The following HELZ2 variants were observed in gnomAD, a reference collection of about 807,000 sequenced individuals.
The protein encoded by HELZ2 is helicase with zinc finger 2.
A neutral mutation model predicts 208.8 loss-of-function variants in HELZ2; 143 were observed. The observed-to-expected ratio is 0.68, with a 90% confidence interval of 0.60 to 0.79. The LOEUF (loss-of-function observed/expected upper bound fraction) is 0.79, where lower values mean the gene tolerates loss of function less well. Ranked by LOEUF, HELZ2 falls within the 30% of genes least tolerant of loss-of-function variation. The pLI, the probability that HELZ2 is intolerant of heterozygous loss-of-function variation, is 0.00. For missense variants in HELZ2, 3,690 were observed against 3,794.5 expected, an observed-to-expected ratio of 0.97 and a Z score of 0.72; for synonymous variants, 1,705 against 1,693.7, an observed-to-expected ratio of 1.01 and a Z score of -0.16.
chr20:63,565,284 C>T (rs1292882682), exon 8 of HELZ2: 2 of 1,605,766 alleles, frequency 1.2e-6, no homozygotes, highest in Non-Finnish European at 1.7e-6. Context: ...GGCGCCTTGT[C>T]TCCCGAAAGG....
chr20:63,565,053 C>T lies in HELZ2; in HGVS notation c.3769G>A (p.Ala1257Thr), dbSNP rs756570097. 4.7e-5 allele frequency: 73 copies of T among 1,562,316 alleles called. No individual in the cohort carries two copies. Among genetic ancestry groups the T allele is most frequent in the South Asian group, 2.4e-4 (21 of 86,518 alleles). The change falls in exon 8 of 19, where the codon GCC becomes ACC. Residue 1257 changes from alanine (A) to threonine (T), a missense_variant. Transcript: ENST00000467148. ...AAGAGCCGGCTGTGCCGGGCCTCGG[C>T]GGTGAGCCTCTCAAGCCCCACACGC...
At position 63,560,712 on chromosome 20, in the gene HELZ2, G is replaced by A. The variant is rs765257817; in HGVS notation, c.7282-15C>T. On this transcript the variant is annotated splice_polypyrimidine_tract_variant and intron_variant, in intron 15 of 18. Transcript: ENST00000467148. ...ATGCCCTCATGCTGCAGGCAAGGAT[G>A]TGCGCTGGTCAGAGGCTGCCACGCG... The A allele has an allele frequency of 1.2e-6, 2 of 1,607,108 alleles. No homozygotes were observed. Among genetic ancestry groups the A allele is most frequent in the East Asian group, 2.2e-5 (1 of 44,784 alleles).
exon 10 of HELZ2, chr20:63,562,124 C>T: frequency 3.1e-6 from 5 of 1,612,592 alleles, no homozygotes; most frequent in Non-Finnish European, 4.2e-6. Flanking sequence ...CCCTGACCGC[C>T]ACGTTCTGGC....
chr20:63,560,367 C>T (rs756051505), intron 16 of HELZ2, 40 bp from the exon 18 acceptor site: 10 of 1,562,838 alleles, frequency 6.4e-6, no homozygotes, highest in African/African-American at 1.4e-5. Flanking sequence ...ACCCTGGTGT[C>T]TCTCCTGCCC....
At chr20:63,565,519 G>C (rs769162955) in exon 8 of HELZ2, 2 of 1,606,466 alleles carry the variant, frequency 1.2e-6, no homozygotes, top group South Asian at 2.2e-5. Flanking sequence ...GCAGGGACTC[G>C]GGCCTGGCGA....
At chr20:63,569,799 C>G (rs1192638205) in intron 3 of HELZ2, 134 bp from the exon 5 acceptor site, 1 of 1,018,618 alleles carries the variant, frequency 9.8e-7, no homozygotes, top group African/African-American at 1.6e-5. Flanking sequence ...CGCAAGCAGG[C>G]CACCCGGCCT....
chr20:63,568,513 G>A lies in HELZ2; in HGVS notation c.1575C>T (p.Leu525=), dbSNP rs772980460. Reference sequence around the variant, plus strand: ...CATCCCCAGGGCCCCAGCCCGCGATGAGCGCCACGGCCAGCTCCTGCTTGC... The same window carrying A: ...CATCCCCAGGGCCCCAGCCCGCGATAAGCGCCACGGCCAGCTCCTGCTTGC... Residue 525 remains leucine, a synonymous_variant, in exon 5 of 19, where the codon CTC becomes CTT. Coordinates refer to ENST00000467148, the Ensembl canonical transcript of HELZ2. The A allele has an allele frequency of 9.5e-6, 15 of 1,583,582 alleles. No homozygotes were observed. The South Asian group carries it at 1.0e-4, about 11-fold the overall frequency.
exon 6 of HELZ2, chr20:63,567,245 T>A (rs1227219493): frequency 6.2e-7 from 1 of 1,608,440 alleles, no homozygotes; most frequent in Non-Finnish European, 8.5e-7. Context: ...CTGGCCACAC[T>A]GAACAGCCGG....
rs376276481 is a variant in HELZ2, at chr20:63,564,308, C to T, written c.4514G>A (p.Cys1505Tyr). Residue 1505 changes from cysteine to tyrosine, a missense_variant, in exon 8 of 19, where the codon TGC becomes TAC. Physicochemically the swap from Cys to Tyr is radical, Grantham distance 194. Around this residue, in one of 3 missense-constraint regions of HELZ2, gnomAD observed 2,564 missense variants for 2,580.5 expected, o/e 0.99. Transcript: ENST00000467148. ...GTCCTCGTCCGGCTGCTCATAGAAG[C>T]AGTCGGACCGCAGGCGGTGCCGGCG... 7.1e-5 allele frequency: 114 copies of T among 1,602,568 alleles called. 2 individuals are homozygous for T. In the Middle Eastern group the frequency reaches 1.6e-3, roughly 23 times the overall value.
At chr20:63,568,518 C>T (rs1436005069) in exon 5 of HELZ2, 2 of 1,582,610 alleles carry the variant, frequency 1.3e-6, no homozygotes, top group African/African-American at 1.3e-5. Context: ...GCGATGAGCG[C>T]CACGGCCAGC....
exon 6 of HELZ2, chr20:63,567,185 G>C: frequency 1.2e-6 from 2 of 1,608,590 alleles, no homozygotes; most frequent in Non-Finnish European, 1.7e-6. Flanking sequence ...GTCTCCTGCT[G>C]GTAGCACAGG....
Position 63,561,778 on chromosome 20 carries a change from C to T in HELZ2, c.6692-33G>A, listed in dbSNP as rs199618912. On this transcript the variant is annotated intron_variant, in intron 11 of 18. Transcript: ENST00000467148. ...TAGTTGGGGGACGTGAGTCCTGCCC[C>T]GCGTGCCAGCTCCCCAAAGGCCCCC... The T allele has an allele frequency of 2.3e-5, 36 of 1,560,330 alleles. No homozygotes were observed. In the Admixed American group the frequency reaches 4.4e-4, roughly 19 times the overall value.
At chr20:63,570,899 C>G in intron 1 of HELZ2, 31 bp from the exon 3 acceptor site, 1 of 1,536,474 alleles carries the variant, frequency 6.5e-7, no homozygotes, top group Non-Finnish European at 8.8e-7. Context: ...CAGGGCTACA[C>G]AGAGGCACAG....
exon 8 of HELZ2, chr20:63,564,788 A>T: frequency 6.2e-7 from 1 of 1,611,742 alleles, no homozygotes; most frequent in Non-Finnish European, 8.5e-7. Flanking sequence ...CTGGGGGTCC[A>T]CAGTGAAGGT....
At chr20:63,569,886 G>A (rs2083001047) in intron 3 of HELZ2, among the ~76,000 whole-genome samples, 2 of 152,232 alleles carry the variant, frequency 1.3e-5, no homozygotes, top group Admixed American at 1.3e-4. Flanking sequence ...GTCCCGTGGG[G>A]CAGTGTGGGC....
At chr20:63,560,998 C>T (rs1237866424) in intron 14 of HELZ2, 69 bp from the exon 16 acceptor site, 59 of 1,594,932 alleles carry the variant, frequency 3.7e-5, no homozygotes, top group Non-Finnish European at 4.7e-5. Flanking sequence ...ACACGACACC[C>T]GCGTCTGCAC....
chr20:63,562,677 G>C (rs3810483), exon 8 of HELZ2: 725,900 of 1,596,082 alleles, frequency 0.45, 171,241 homozygotes, highest in East Asian at 0.87. Context: ...TCCCAGTCCT[G>C]CGTCTGCCCG....
exon 8 of HELZ2, chr20:63,563,516 C>T: frequency 6.6e-7 from 1 of 1,513,726 alleles, no homozygotes; most frequent in Non-Finnish European, 8.8e-7. Flanking sequence ...GGGGACGGGG[C>T]AGGGGTCAGG....
chr20:63,558,220 C>T (rs2082835571), downstream of HELZ2: 1 of 152,518 alleles, frequency 6.6e-6, no homozygotes, highest in Non-Finnish European at 1.5e-5. Flanking sequence ...GACAGAGCCG[C>T]ACTGAAGCGG....
Sources: allele counts gnomAD v4.1 joint callset (sites outside exome capture counted in the v4.1 genomes callset), GRCh38; gene constraint gnomAD v4.1.1; regional missense constraint gnomAD v4.1.1; transcripts MANE v1.5; gene names NCBI Gene and HGNC (gene_info 2026-07-23, HGNC 2026-07-21).